The following DGKG variants were observed in gnomAD, a reference collection of about 807,000 sequenced individuals.
DGKG encodes the protein diacylglycerol kinase gamma.
Under a neutral mutation model 105.3 loss-of-function variants are expected in DGKG, and 78 were observed. That is an observed-to-expected ratio of 0.74 (90% confidence interval 0.62 to 0.89). The LOEUF is 0.89. Ranked by LOEUF, DGKG falls within the 40% of genes least tolerant of loss-of-function variation. The pLI, the probability that DGKG is intolerant of heterozygous loss-of-function variation, is 0.00. For missense variants in DGKG, 958 were observed against 1,020.1 expected (o/e 0.94, Z 0.83); for synonymous variants, 346 against 367.1 (o/e 0.94, Z 0.66).
At chr3:186,214,646 T>C (rs1719190845) in intron 20 of DGKG, among the ~76,000 whole-genome samples, 1 of 152,198 alleles carries the variant, frequency 6.6e-6, no homozygotes, top group Non-Finnish European at 1.5e-5. Flanking sequence ...AATCCTTGAT[T>C]AATTATCTTG....
chr3:186,337,888 G>A (rs1015495133), intron 1 of DGKG, among the ~76,000 whole-genome samples: 4 of 152,014 alleles, frequency 2.6e-5, no homozygotes, highest in Non-Finnish European at 4.4e-5. Flanking sequence ...AAGTAGAATG[G>A]GCTGGGCACA....
intron 22 of DGKG, among the ~76,000 whole-genome samples, chr3:186,185,269 A>C (rs773554534): frequency 1.6e-4 from 24 of 152,222 alleles, no homozygotes; most frequent in Non-Finnish European, 2.9e-4. Flanking sequence ...AAAGCCCAGA[A>C]GTCAGTGCCC....
At chr3:186,323,651 G>C (rs938503864) in intron 1 of DGKG, among the ~76,000 whole-genome samples, 1 of 151,684 alleles carries the variant, frequency 6.6e-6, no homozygotes, top group Non-Finnish European at 1.5e-5. Flanking sequence ...AATTAGCTGG[G>C]TGTGGCCAGG....
At chr3:186,282,573 C>CGCCAT (rs1722876231) in intron 7 of DGKG, among the ~76,000 whole-genome samples, 2 of 151,876 alleles carry the variant, frequency 1.3e-5, no homozygotes, top group Admixed American at 1.3e-4. Context: ...AGTGCAGTGG[C>CGCCAT]GCCATCTCGG....
At chr3:186,191,206 A>T (rs1198996429) in intron 21 of DGKG, among the ~76,000 whole-genome samples, 2 of 152,190 alleles carry the variant, frequency 1.3e-5, no homozygotes, top group Non-Finnish European at 2.9e-5. Context: ...TTCCTAAGTG[A>T]CCACCCTACA....
chr3:186,269,119 A>G (rs1395843118), intron 11 of DGKG, among the ~76,000 whole-genome samples: 1 of 152,274 alleles, frequency 6.6e-6, no homozygotes, highest in African/African-American at 2.4e-5. Flanking sequence ...TATGCGAATC[A>G]AAGTAGATTA....
intron 22 of DGKG, among the ~76,000 whole-genome samples, chr3:186,176,860 AG>A (rs148734000): frequency 0.024 from 3,684 of 152,292 alleles, 146 homozygotes; most frequent in African/African-American, 0.083. Flanking sequence ...AAAGGGGCAA[AG>A]GTCCCTGCTG....
At chr3:186,319,199 G>A (rs1258935418) in intron 2 of DGKG, among the ~76,000 whole-genome samples, 3 of 152,218 alleles carry the variant, frequency 2.0e-5, no homozygotes, top group African/African-American at 7.2e-5. Context: ...TACCAGGAGG[G>A]TGACAAACCA....
chr3:186,275,437 C>T, intron 10 of DGKG, 110 bp downstream of exon 10: 1 of 923,186 alleles, frequency 1.1e-6, no homozygotes, highest in South Asian at 1.5e-5. Flanking sequence ...TATGGGTGGT[C>T]CCTCAAGCTG....
intron 21 of DGKG, among the ~76,000 whole-genome samples, chr3:186,204,120 T>C (rs1315010988): frequency 6.6e-6 from 1 of 152,170 alleles, no homozygotes; most frequent in Non-Finnish European, 1.5e-5. Context: ...TTAAAAATAA[T>C]AGCACTGGCC....
At chr3:186,351,434 C>T (rs956820689) in intron 1 of DGKG, among the ~76,000 whole-genome samples, 6 of 152,188 alleles carry the variant, frequency 3.9e-5, no homozygotes, top group African/African-American at 1.2e-4. Context: ...AGGCCCCCTT[C>T]CCACACCTCT....
rs1179895466 is a variant in DGKG, at chr3:186,149,003, T to C, written c.*1087A>G. ...AATATATAGGCTAAATATATATATA[T>C]ACACGCACACACACACACACACGCG... On this transcript the variant is annotated 3_prime_UTR_variant, in exon 25 of 25. Coordinates refer to ENST00000265022, the MANE Select transcript of DGKG (RefSeq NM_001346.3). 393 of 884,300 alleles carry C rather than the reference T, an allele frequency of 4.4e-4. 6 individuals carry two copies. The highest frequency in any genetic ancestry group is 1.3e-4 in the Non-Finnish European group (97 of 740,754). The allele number at this position is 884,300 out of a possible 1,614,324, so 54.8% of individuals were successfully genotyped here.
intron 22 of DGKG, among the ~76,000 whole-genome samples, chr3:186,187,969 C>A (rs1014699261): frequency 3.9e-5 from 6 of 152,156 alleles, no homozygotes; most frequent in Non-Finnish European, 8.8e-5. Context: ...TGACTCTGAA[C>A]CTCATGGAGC....
At position 186,252,907 on chromosome 3, in the gene DGKG, T is replaced by C. The variant is rs112776760; in HGVS notation, c.1600+186A>G. ...AGCTCCCAGAGCCCAGAAGAGGGGC[T>C]TCTATTCTAGATTCAGCATGGGATG... On this transcript the variant is annotated intron_variant, in intron 18 of 24. Coordinates refer to ENST00000265022, the MANE Select transcript of DGKG (RefSeq NM_001346.3). Among the ~76,000 whole-genome samples the C allele has an allele frequency of 2.1e-4, 32 of 152,304 alleles. No homozygotes were observed. The Middle Eastern group carries it at 0.01, about 49-fold the overall frequency.
At chr3:186,248,943 A>G (rs1721075477) in intron 19 of DGKG, among the ~76,000 whole-genome samples, 1 of 152,200 alleles carries the variant, frequency 6.6e-6, no homozygotes, top group African/African-American at 2.4e-5. Context: ...TTAGCAAGTT[A>G]TGTTCTGGTT....
chr3:186,242,540 A>G lies in DGKG; in HGVS notation c.1790T>C (p.Val597Ala). 1.2e-6 allele frequency: 2 copies of G among 1,613,836 alleles called. No homozygotes were observed. The highest frequency in any genetic ancestry group is 1.7e-6 in the Non-Finnish European group (2 of 1,179,814). ...TTTTTCAGGATGTTTCTCTCTCATCACATGGAATCTGTGTGCAATGGAAGC... is the reference window on the plus strand; with the variant it reads ...TTTTTCAGGATGTTTCTCTCTCATCGCATGGAATCTGTGTGCAATGGAAGC... ...VDASIAHRFH[V>A]MREKHPEKFN... Residue 597 changes from valine (V) to alanine (A), a missense_variant, in exon 20 of 25, where the codon GTG (valine) becomes GCG (alanine). By Grantham distance (64) the Val-to-Ala change is moderately conservative. This residue lies in a region of DGKG where 315 missense variants were observed against 400.6 expected (regional missense o/e 0.79). Transcript: ENST00000265022.
At chr3:186,259,324 G>T (rs913456429) in intron 16 of DGKG, among the ~76,000 whole-genome samples, 3 of 152,182 alleles carry the variant, frequency 2.0e-5, no homozygotes, top group Admixed American at 1.3e-4. Context: ...AGGTGTCTGT[G>T]GGGGGCTGCT....
chr3:186,246,588 G>A (rs953234833), intron 19 of DGKG, among the ~76,000 whole-genome samples: 7 of 152,202 alleles, frequency 4.6e-5, no homozygotes, highest in Non-Finnish European at 8.8e-5. Flanking sequence ...GAAAATTATG[G>A]GAGATTGGGG....
chr3:186,290,251 A>G (rs2108605311), intron 5 of DGKG, among the ~76,000 whole-genome samples: 1 of 152,338 alleles, frequency 6.6e-6, no homozygotes, highest in Non-Finnish European at 1.5e-5. Context: ...AGATGAAAAT[A>G]CAATAGGATG....
Sources: allele counts gnomAD v4.1 joint callset (sites outside exome capture counted in the v4.1 genomes callset), GRCh38; gene constraint gnomAD v4.1.1; regional missense constraint gnomAD v4.1.1; transcripts MANE v1.5; gene names NCBI Gene and HGNC (gene_info 2026-07-23, HGNC 2026-07-21).